ANKRD44: variants seen among roughly 807,000 people sequenced by gnomAD.
ANKRD44 encodes the protein serine/threonine-protein phosphatase 6 regulatory ankyrin repeat subunit B.
In ANKRD44, 35 loss-of-function variants were observed where a neutral mutation model predicts 116.0. That is an observed-to-expected ratio of 0.30 (90% CI 0.23 to 0.40). ANKRD44 has a LOEUF of 0.40. Among genes scored for constraint, ANKRD44 ranks in the 10% least tolerant of loss-of-function variants. The probability of loss-of-function intolerance (pLI) is 1.00; values close to 1 mark genes in which losing one functional copy is unlikely to be tolerated. For missense variants in ANKRD44, 1,014 were observed against 1,242.6 expected (o/e 0.82, Z 2.77); for synonymous variants, 435 against 461.8 (o/e 0.94, Z 0.74).
At chr2:197,133,554 G>T (rs80261679) in intron 4 of ANKRD44, among the ~76,000 whole-genome samples, 1,561 of 152,306 alleles carry the variant, frequency 0.01, 19 homozygotes, top group Admixed American at 0.025. Context: ...AGGACAGACA[G>T]TATAGAGTTT....
rs1038574400 is a variant in ANKRD44, at chr2:196,993,691, C to G, written c.2832-17G>C. 2 of 1,547,978 alleles carry G rather than the reference C, an allele frequency of 1.3e-6. No individual in the cohort carries two copies. Among genetic ancestry groups the G allele is most frequent in the Non-Finnish European group, 1.7e-6 (2 of 1,144,690 alleles). The stretch of plus-strand genomic sequence containing the variant: ...TGGAGGGGTCTAAAAAACACAAGAC[C>G]GAGCATCAGTTGTGATACATATTTG... On this transcript the variant is annotated splice_polypyrimidine_tract_variant and intron_variant, in intron 26 of 27. Transcript: ENST00000282272.
intron 1 of ANKRD44, among the ~76,000 whole-genome samples, chr2:197,293,534 AAAT>A (rs747784316): frequency 8.5e-5 from 13 of 152,234 alleles, no homozygotes; most frequent in Non-Finnish European, 1.8e-4. Flanking sequence ...GTGCTGTGAC[AAAT>A]GTTCCCTTCA....
In ANKRD44 at chr2:197,125,596, A is replaced by C. The variant is rs1034071217; in HGVS notation, c.463-128T>G. On this transcript the variant is annotated intron_variant, in intron 5 of 27. Transcript: ENST00000282272. ...CAGGTCAGAGATCTGGAGTTCTGACAAAGTAGAAATATGATGTCAGAGCAG... is the reference window on the plus strand; with the variant it reads ...CAGGTCAGAGATCTGGAGTTCTGACCAAGTAGAAATATGATGTCAGAGCAG... 20 of 976,360 alleles carry C rather than the reference A, an allele frequency of 2.0e-5. No homozygotes were observed. In the Middle Eastern group the frequency reaches 9.4e-4, roughly 46 times the overall value. The allele number at this position is 976,360 out of a possible 1,614,324, so 60.5% of individuals were successfully genotyped here.
intron 4 of ANKRD44, among the ~76,000 whole-genome samples, chr2:197,127,519 C>G (rs914328529): frequency 4.6e-5 from 7 of 152,026 alleles, no homozygotes; most frequent in Non-Finnish European, 1.5e-5. Flanking sequence ...AGTCTGCCTT[C>G]TCCTGTATCA....
intron 1 of ANKRD44, among the ~76,000 whole-genome samples, chr2:197,241,370 G>T (rs2082086547): frequency 6.6e-6 from 1 of 152,138 alleles, no homozygotes; most frequent in Non-Finnish European, 1.5e-5. Context: ...CTGCCACTAT[G>T]CATCATGGAT....
chr2:197,078,408 C>T (rs1264530358), intron 16 of ANKRD44: 23 of 565,764 alleles, frequency 4.1e-5, no homozygotes, highest in East Asian at 6.2e-5. Flanking sequence ...TACCAACTTC[C>T]ATGGCAATGC....
At chr2:197,179,125 C>T (rs1377204592) in intron 2 of ANKRD44, among the ~76,000 whole-genome samples, 1 of 152,156 alleles carries the variant, frequency 6.6e-6, no homozygotes, top group Non-Finnish European at 1.5e-5. Context: ...ATAGTTGCTT[C>T]TAATCCTGGA....
At chr2:196,981,781 AAAT>A (rs919930457), downstream of ANKRD44, among the ~76,000 whole-genome samples, 6 of 151,964 alleles carry the variant, frequency 3.9e-5, no homozygotes, top group Non-Finnish European at 5.9e-5. Context: ...CTCCATCTCA[AAAT>A]AATAATAATA....
At chr2:197,231,140 G>A (rs1471624735) in intron 1 of ANKRD44, among the ~76,000 whole-genome samples, 1 of 152,174 alleles carries the variant, frequency 6.6e-6, no homozygotes, top group Admixed American at 6.5e-5. Context: ...ATCAATCTGA[G>A]GGCTGGGCGT....
intron 4 of ANKRD44, chr2:197,136,334 C>T (rs1159954866): frequency 3.9e-6 from 2 of 506,480 alleles, no homozygotes; most frequent in Admixed American, 3.4e-5. Flanking sequence ...TTCTGCTTTG[C>T]CTCCTCCCCA....
intron 16 of ANKRD44, among the ~76,000 whole-genome samples, chr2:197,059,659 G>A (rs1325042833): frequency 6.6e-6 from 1 of 152,154 alleles, no homozygotes; most frequent in East Asian, 1.9e-4. Context: ...ATATGCGCCT[G>A]CCTCACATTT....
chr2:197,077,756 C>G (rs1397144574), intron 16 of ANKRD44: 1 of 152,174 alleles, frequency 6.6e-6, no homozygotes, highest in African/African-American at 2.4e-5. Context: ...TATTGATAAT[C>G]CGGTCTGTTC....
intron 1 of ANKRD44, among the ~76,000 whole-genome samples, chr2:197,275,566 T>C (rs1281803979): frequency 6.6e-6 from 1 of 152,070 alleles, no homozygotes; most frequent in Non-Finnish European, 1.5e-5. Flanking sequence ...GAGCACCATG[T>C]TGGGGGGGTG....
rs535330816 is a variant in ANKRD44 at position 197,038,334 on chromosome 2, T to A, written c.1651-13067A>T. Reference sequence around the variant, plus strand: ...AAATCTAAAACTGCGCTTAGAAAAATAAAAGTCTTATAATAACAAAAACAC... The same window carrying A: ...AAATCTAAAACTGCGCTTAGAAAAAAAAAAGTCTTATAATAACAAAAACAC... On this transcript the variant is annotated intron_variant, in intron 16 of 27. Transcript: ENST00000282272. 1.3e-4 allele frequency among the ~76,000 whole-genome samples: 19 copies of A among 151,874 alleles called. No homozygotes were observed. In the East Asian group the frequency reaches 3.7e-3, roughly 29 times the overall value.
intron 4 of ANKRD44, among the ~76,000 whole-genome samples, chr2:197,127,777 T>A (rs537658442): frequency 1.3e-5 from 2 of 152,284 alleles, no homozygotes; most frequent in Admixed American, 1.3e-4. Flanking sequence ...GCCTAGGTAT[T>A]AAGTCCAGCA....
intron 1 of ANKRD44, among the ~76,000 whole-genome samples, chr2:197,192,924 A>G (rs939232198): frequency 4.6e-5 from 7 of 152,230 alleles, no homozygotes; most frequent in Non-Finnish European, 1.0e-4. Context: ...GCAGGACTGC[A>G]TGTCTGAAAA....
intron 1 of ANKRD44, among the ~76,000 whole-genome samples, chr2:197,193,223 T>C (rs774600130): frequency 2.0e-5 from 3 of 152,200 alleles, no homozygotes; most frequent in Non-Finnish European, 4.4e-5. Context: ...TTTAATCCTT[T>C]GTTGCTCCTT....
At chr2:197,177,090 A>T (rs954438342) in intron 2 of ANKRD44, among the ~76,000 whole-genome samples, 1 of 152,148 alleles carries the variant, frequency 6.6e-6, no homozygotes, top group Non-Finnish European at 1.5e-5. Flanking sequence ...TTTTCATTTA[A>T]ACATGTCTTT....
chr2:196,988,885 T>C lies in ANKRD44; in HGVS notation c.*706A>G, dbSNP rs1380228295. 1 of 985,332 alleles carries C rather than the reference T, an allele frequency of 1.0e-6. No individual in the cohort carries two copies. Among genetic ancestry groups the C allele is most frequent in the African/African-American group, 1.7e-5 (1 of 57,244 alleles). 61.0% of individuals were successfully genotyped at this position (985,332 alleles called of 1,614,324 possible). A position where few individuals can be genotyped will look rare whatever the true frequency, so the allele number is the denominator to read the frequency against. On this transcript the variant is annotated 3_prime_UTR_variant, in exon 28 of 28. Coordinates refer to ENST00000282272, the MANE Select transcript of ANKRD44 (RefSeq NM_001195144.2). ...CAGTGTACTTAGGGTAATTTCTAGA[T>C]ATTTCTTTGTGCTGCCTTTGTGTAT...
Sources: gnomAD v4.1 joint callset for allele counts (sites outside exome capture counted in the v4.1 genomes callset) on GRCh38, gnomAD v4.1.1 for gene constraint, MANE v1.5 for transcripts, NCBI Gene and HGNC (gene_info 2026-07-23, HGNC 2026-07-21) for gene names.